DOCK1: variants seen among roughly 807,000 people sequenced by gnomAD.
The protein encoded by DOCK1 is dedicator of cytokinesis 1.
DOCK1 carries 138 observed loss-of-function variants against 262.7 expected under a neutral mutation model. The observed-to-expected ratio is 0.53, with a 90% CI of 0.46 to 0.61. DOCK1 has a LOEUF of 0.61. Among genes scored for constraint, DOCK1 ranks in the 20% least tolerant of loss-of-function variants. The pLI is 0.00. For missense variants in DOCK1, 1,908 were observed against 2,370.7 expected, an observed-to-expected ratio of 0.80 and a Z score of 4.05; for synonymous variants, 866 against 867.4, an observed-to-expected ratio of 1.00 and a Z score of 0.03.
chr10:127,362,509 C>T (rs1422060384), intron 33 of DOCK1, among the ~76,000 whole-genome samples: 3 of 152,216 alleles, frequency 2.0e-5, no homozygotes, highest in East Asian at 1.9e-4. Flanking sequence ...CTTCTTGGTA[C>T]GTGCTCTTGT....
At chr10:127,229,630 A>G (rs1472924698) in intron 27 of DOCK1, among the ~76,000 whole-genome samples, 2 of 152,160 alleles carry the variant, frequency 1.3e-5, no homozygotes, top group East Asian at 3.9e-4. Flanking sequence ...GTATCCATCC[A>G]TTGATGCACG....
intron 29 of DOCK1, among the ~76,000 whole-genome samples, chr10:127,328,987 A>G (rs117056192): frequency 0.025 from 3,864 of 152,026 alleles, 82 homozygotes; most frequent in Middle Eastern, 0.052. Context: ...GAAAAAATAC[A>G]TACATTACAA....
In DOCK1 at chr10:127,271,628, C is replaced by T. The variant is rs147714651; in HGVS notation, c.3044+14199C>T. Among the ~76,000 whole-genome samples, 117 of 152,152 alleles carry T rather than the reference C, an allele frequency of 7.7e-4. No individual in the cohort carries two copies. In the Middle Eastern group the frequency reaches 0.01, roughly 14 times the overall value. Reference sequence around the variant, plus strand: ...TGTGCATTTGTGCATGGGTCTTTGGCACTGGGGGGGATATCTCTTCTGAAC... The same window carrying T: ...TGTGCATTTGTGCATGGGTCTTTGGTACTGGGGGGGATATCTCTTCTGAAC... On this transcript the variant is annotated intron_variant, in intron 29 of 51. Coordinates refer to ENST00000623213, the MANE Select transcript of DOCK1 (RefSeq NM_001290223.2).
intron 27 of DOCK1, among the ~76,000 whole-genome samples, chr10:127,201,521 T>G (rs1372253910): frequency 1.3e-5 from 2 of 152,240 alleles, no homozygotes. Context: ...CCTGGCTTTC[T>G]ATGATGCATC....
intron 6 of DOCK1, among the ~76,000 whole-genome samples, chr10:126,993,968 A>C (rs1591567147): frequency 6.6e-6 from 1 of 152,262 alleles, no homozygotes; most frequent in East Asian, 1.9e-4. Flanking sequence ...TTTCCTCTTT[A>C]ATTTGTAACT....
chr10:127,279,907 AAT>A (rs2060881490), intron 29 of DOCK1, among the ~76,000 whole-genome samples: 1 of 151,730 alleles, frequency 6.6e-6, no homozygotes. Context: ...ATCGCCATGT[AAT>A]AGAGTTCGAG....
intron 12 of DOCK1, among the ~76,000 whole-genome samples, chr10:127,017,957 A>G (rs2042133173): frequency 6.6e-6 from 1 of 152,178 alleles, no homozygotes; most frequent in African/African-American, 2.4e-5. Context: ...CCTTGCAGGG[A>G]GGAAGATCCC....
At chr10:127,164,405 A>T (rs1589721312) in intron 27 of DOCK1, among the ~76,000 whole-genome samples, 1 of 146,344 alleles carries the variant, frequency 6.8e-6, no homozygotes, top group Admixed American at 6.8e-5. Context: ...CTGGTCTCAA[A>T]CTCCTGACCT....
rs545632440 is a variant in DOCK1 at position 127,417,481 on chromosome 10, A to G, written c.4516-884A>G. ...CCCTACCTCCTGCACTGAAGGTGTC[A>G]TTAACCATGGCAAGTGTGCAAATGA... On this transcript the variant is annotated intron_variant, in intron 44 of 51. Coordinates refer to ENST00000623213, the MANE Select transcript of DOCK1 (RefSeq NM_001290223.2). 3.9e-5 allele frequency among the ~76,000 whole-genome samples: 6 copies of G among 152,340 alleles called. No individual in the cohort carries two copies. In the South Asian group the frequency reaches 8.3e-4, roughly 21 times the overall value.
At chr10:127,210,631 T>C (rs1288646874) in intron 27 of DOCK1, among the ~76,000 whole-genome samples, 1 of 152,204 alleles carries the variant, frequency 6.6e-6, no homozygotes, top group Non-Finnish European at 1.5e-5. Context: ...GCCTGTTCCC[T>C]GGGTGGCTCC....
At chr10:127,369,136 C>T (rs1407121818) in intron 33 of DOCK1, among the ~76,000 whole-genome samples, 2 of 152,168 alleles carry the variant, frequency 1.3e-5, no homozygotes, top group African/African-American at 4.8e-5. Flanking sequence ...TGCCAGTAAC[C>T]GGAAGCCAGT....
Position 127,078,709 on chromosome 10 carries a change from G to T in DOCK1, c.2445+16933G>T, listed in dbSNP as rs148448198. On this transcript the variant is annotated intron_variant, in intron 23 of 51. Transcript: ENST00000623213. ...GTGGAACCAGCCCAAATGCCCATCA[G>T]TCAACAAGTAGATAAAGAACATGAT... Among the ~76,000 whole-genome samples the T allele has an allele frequency of 5.9e-5, 9 of 152,256 alleles. No individual in the cohort carries two copies. In the East Asian group the frequency reaches 1.5e-3, roughly 26 times the overall value.
intron 10 of DOCK1, among the ~76,000 whole-genome samples, chr10:127,005,350 G>A (rs1190063925): frequency 6.6e-6 from 1 of 151,980 alleles, no homozygotes. Flanking sequence ...AAAAGGGATA[G>A]AAGGGATGCT....
At chr10:126,944,900 A>G (rs2134283179) in intron 1 of DOCK1, among the ~76,000 whole-genome samples, 1 of 152,298 alleles carries the variant, frequency 6.6e-6, no homozygotes, top group East Asian at 1.9e-4. Flanking sequence ...GTGCAGTGGC[A>G]GAGTCTGGGC....
chr10:126,944,105 G>A (rs2035216493), intron 1 of DOCK1, among the ~76,000 whole-genome samples: 1 of 151,530 alleles, frequency 6.6e-6, no homozygotes, highest in Admixed American at 6.6e-5. Context: ...GGGAGGTGAT[G>A]GGGCCTGAGT....
At chr10:127,247,946 T>G (rs1362354575) in intron 27 of DOCK1, 62 bp from the exon 28 acceptor site, 1 of 1,522,120 alleles carries the variant, frequency 6.6e-7, no homozygotes, top group Non-Finnish European at 9.0e-7. Context: ...CTGGGATGAT[T>G]TCGGCTTTTC....
intron 27 of DOCK1, among the ~76,000 whole-genome samples, chr10:127,221,246 CGTT>C (rs1422503545): frequency 6.6e-6 from 1 of 152,056 alleles, no homozygotes; most frequent in African/African-American, 2.4e-5. Flanking sequence ...TTTATATTCA[CGTT>C]GTTTTTCCTA....
At chr10:127,093,024 C>T (rs769736401) in intron 23 of DOCK1, among the ~76,000 whole-genome samples, 4 of 152,038 alleles carry the variant, frequency 2.6e-5, no homozygotes, top group Non-Finnish European at 5.9e-5. Context: ...TCACCAGGGC[C>T]GTGCCCTCTC....
chr10:127,210,380 T>C (rs1243390594), intron 27 of DOCK1, among the ~76,000 whole-genome samples: 1 of 152,116 alleles, frequency 6.6e-6, no homozygotes, highest in Non-Finnish European at 1.5e-5. Context: ...AGAGGGGCTG[T>C]AAAGGGACCG....
Sources: gnomAD v4.1 joint callset for allele counts (sites outside exome capture counted in the v4.1 genomes callset) on GRCh38, gnomAD v4.1.1 for gene constraint, MANE v1.5 for transcripts, NCBI Gene and HGNC (gene_info 2026-07-23, HGNC 2026-07-21) for gene names.